Variants in THOC2 observed in about 807,000 individuals in gnomAD.
The protein encoded by THOC2 is THO complex subunit 2.
A neutral mutation model predicts 128.4 loss-of-function variants in THOC2; 10 were observed. The observed-to-expected ratio is 0.08, with a 90% CI of 0.05 to 0.13. The LOEUF (loss-of-function observed/expected upper bound fraction) is 0.13. Among genes scored for constraint, THOC2 ranks in the 10% least tolerant of loss-of-function variants. THOC2 has a pLI of 1.00. For synonymous variants in THOC2, 393 were observed against 396.9 expected (o/e 0.99, Z 0.12); for missense variants, 535 against 1,155.7 (o/e 0.46, Z 7.79).
At chrX:123,711,365 G>A (rs2051185372) in intron 2 of THOC2, among the ~76,000 whole-genome samples, 1 of 109,949 alleles carries the variant, frequency 9.1e-6, no homozygotes, top group Admixed American at 9.8e-5. Context: ...CCTCAGCTAT[G>A]CAAGGTGGCT....
At chrX:123,625,451 A>G (rs2047233962) in intron 25 of THOC2, among the ~76,000 whole-genome samples, 1 of 111,579 alleles carries the variant, frequency 9.0e-6, no homozygotes, top group Non-Finnish European at 1.9e-5. Context: ...CTAAATGCAA[A>G]ATGTGCATAT....
chrX:123,716,674 A>G (rs2051429582), intron 1 of THOC2, among the ~76,000 whole-genome samples: 1 of 104,787 alleles, frequency 9.5e-6, no homozygotes, highest in East Asian at 3.0e-4. Context: ...GCTTGCAGTG[A>G]GTCAAAATGG....
intron 8 of THOC2, among the ~76,000 whole-genome samples, chrX:123,684,550 A>AT (rs1302571229): frequency 7.6e-4 from 84 of 109,993 alleles, no homozygotes; most frequent in South Asian, 2.7e-3. Context: ...CGCCTGGCTA[A>AT]TTTTTTTTTG....
At chrX:123,620,837 G>A in intron 32 of THOC2, 70 bp downstream of exon 32, 1 of 1,023,913 alleles carries the variant, frequency 9.8e-7, no homozygotes, top group East Asian at 3.1e-5. Context: ...AGACTTGAAG[G>A]AAGTCAGGAC....
intron 25 of THOC2, 119 bp downstream of exon 25, chrX:123,625,793 T>G: frequency 3.9e-6 from 3 of 765,904 alleles, no homozygotes; most frequent in Non-Finnish European, 5.8e-6. Flanking sequence ...AGGATTCAAG[T>G]TCAGACACTT....
intron 1 of THOC2, among the ~76,000 whole-genome samples, chrX:123,724,042 C>T (rs1442312643): frequency 1.8e-5 from 2 of 111,221 alleles, no homozygotes; most frequent in Admixed American, 1.9e-4. Flanking sequence ...TTCCATGTTG[C>T]ACAAGGCTTT....
At chrX:123,654,011 C>T (rs1202602054) in intron 12 of THOC2, among the ~76,000 whole-genome samples, 1 of 111,528 alleles carries the variant, frequency 9.0e-6, no homozygotes, top group Non-Finnish European at 1.9e-5. Context: ...CACCCAAATG[C>T]CCATAAATGA....
chrX:123,696,841 T>C lies in THOC2; in HGVS notation c.347A>G (p.Tyr116Cys). The change falls in exon 6 of 39, where the codon TAT (tyrosine) becomes TGT (cysteine). Residue 116 changes from tyrosine (Y) to cysteine (C), a missense_variant and splice_region_variant. Transcript: ENST00000245838. ...YFTQLVLACLYLVSDTVLKER... is the reference protein window; with the variant it reads ...YFTQLVLACLCLVSDTVLKER... ...CTTTAGAACTGTGTCTGAAACTAAA[T>C]ACTGTATTAAAAAATATTAAAGGTC... The C allele has an allele frequency of 8.5e-7, 1 of 1,180,908 alleles. No individual in the cohort carries two copies. The highest frequency in any genetic ancestry group is 1.1e-6 in the Non-Finnish European group (1 of 879,533).
chrX:123,619,374 G>A, intron 33 of THOC2, 27 bp downstream of exon 33: 1 of 1,002,776 alleles, frequency 1.0e-6, no homozygotes. Context: ...GGTTTACTTA[G>A]GCATGATGAT....
At position 123,623,192 on chromosome X, in the gene THOC2, T is replaced by C; in HGVS notation, c.3595A>G (p.Ser1199Gly). 1 of 1,211,491 alleles carries C rather than the reference T, an allele frequency of 8.3e-7. No homozygotes were observed. ...CCACCACCAGGCCCATTTTGCACAC[T>C]GGCAACTGCATTCCTCGGAGGGGGG... ...KDPPPRNAVA[S>G]VQNGPGGGPS... The change falls in exon 29 of 39, where the codon AGT becomes GGT. Residue 1199 changes from serine to glycine, a missense_variant. By Grantham distance (56) the Ser-to-Gly change is moderately conservative (BLOSUM62 0). This residue lies in a region of THOC2 where 116 missense variants were observed against 180.0 expected (regional missense o/e 0.64). Transcript: ENST00000245838.
rs183230381 is a variant in THOC2 at position 123,620,973 on chromosome X, G to A, written c.4217-8C>T. ...TTTTGCGGCGTTTTTGTTCTGTTAA[G>A]ACAAAAAGAAATAGTCAGAATAAGG... On this transcript the variant is annotated splice_region_variant and splice_polypyrimidine_tract_variant and intron_variant, in intron 31 of 38. Coordinates refer to ENST00000245838, the MANE Select transcript of THOC2 (RefSeq NM_001081550.2). 3.7e-5 allele frequency: 45 copies of A among 1,203,086 alleles called. No homozygotes were observed. The Admixed American group carries it at 9.9e-4, about 27-fold the overall frequency.
intron 33 of THOC2, among the ~76,000 whole-genome samples, chrX:123,615,087 A>G (rs1429828490): frequency 9.0e-6 from 1 of 111,696 alleles, no homozygotes; most frequent in African/African-American, 3.2e-5. Context: ...ACCTTACGGC[A>G]TTTATATCTG....
At chrX:123,684,876 C>A (rs1603301342) in intron 8 of THOC2, among the ~76,000 whole-genome samples, 1 of 112,136 alleles carries the variant, frequency 8.9e-6, no homozygotes, top group Non-Finnish European at 1.9e-5. Context: ...TTTAAGAATA[C>A]TAAAAGGAAT....
intron 22 of THOC2, among the ~76,000 whole-genome samples, chrX:123,628,184 T>C (rs1191740003): frequency 9.0e-6 from 1 of 111,654 alleles, no homozygotes; most frequent in Non-Finnish European, 1.9e-5. Flanking sequence ...GTGTGCCAAC[T>C]AGGAGATTCT....
intron 4 of THOC2, among the ~76,000 whole-genome samples, chrX:123,701,569 C>T (rs745484648): frequency 1.8e-5 from 2 of 110,875 alleles, no homozygotes; most frequent in Non-Finnish European, 3.8e-5. Context: ...GAAAGATATA[C>T]TCCTGACACT....
chrX:123,713,938 T>C (rs1015251386), intron 1 of THOC2, among the ~76,000 whole-genome samples: 3 of 110,506 alleles, frequency 2.7e-5, no homozygotes, highest in Non-Finnish European at 5.7e-5. Context: ...GATCAAGCCA[T>C]CTAGATCCAA....
intron 8 of THOC2, among the ~76,000 whole-genome samples, chrX:123,676,861 T>C (rs914354957): frequency 8.9e-6 from 1 of 111,944 alleles, no homozygotes; most frequent in Non-Finnish European, 1.9e-5. Flanking sequence ...AATCTTATTA[T>C]TACCACTAAT....
At chrX:123,627,589 C>A (rs1413212524) in intron 23 of THOC2, 104 bp downstream of exon 23, 2 of 839,995 alleles carry the variant, frequency 2.4e-6, no homozygotes, top group Admixed American at 6.1e-5. Context: ...TATATAGCAA[C>A]AAGATCACTG....
intron 1 of THOC2, among the ~76,000 whole-genome samples, chrX:123,731,227 A>G (rs774764084): frequency 8.9e-6 from 1 of 112,119 alleles, no homozygotes; most frequent in Admixed American, 9.4e-5. Flanking sequence ...GATTTGTAAA[A>G]TGTTCATTAT....
Sources: gnomAD v4.1 joint callset for allele counts (sites outside exome capture counted in the v4.1 genomes callset) on GRCh38, gnomAD v4.1.1 for gene constraint, gnomAD v4.1.1 regional missense constraint, MANE v1.5 for transcripts, NCBI Gene and HGNC (gene_info 2026-07-23, HGNC 2026-07-21) for gene names.